CTNND2: variants seen among roughly 807,000 people sequenced by gnomAD.
The protein encoded by CTNND2 is catenin delta 2.
A neutral mutation model predicts 144.4 loss-of-function variants in CTNND2; 22 were observed. The ratio of observed to expected loss-of-function variants is 0.15; its 90% CI spans 0.11 to 0.22. The LOEUF is 0.22. CTNND2 is among the 10% of genes least tolerant of loss of function. The pLI is 1.00. For synonymous variants in CTNND2, 751 were observed against 695.6 expected (o/e 1.08, Z -1.25); for missense variants, 1,353 against 1,618.8 (o/e 0.84, Z 2.82).
chr5:11,143,829 G>T (rs1756976973), intron 12 of CTNND2, among the ~76,000 whole-genome samples: 1 of 152,248 alleles, frequency 6.6e-6, no homozygotes, highest in East Asian at 1.9e-4. Context: ...CAGGACCAGG[G>T]ACTGTGGGAG....
At chr5:11,340,862 T>TA (rs1193715747) in intron 9 of CTNND2, among the ~76,000 whole-genome samples, 2 of 152,348 alleles carry the variant, frequency 1.3e-5, no homozygotes, top group African/African-American at 4.8e-5. Context: ...AGTCATGTGA[T>TA]AGAGATTTTG....
chr5:11,588,037 G>C (rs1305199379), intron 2 of CTNND2, among the ~76,000 whole-genome samples: 1 of 151,932 alleles, frequency 6.6e-6, no homozygotes, highest in Non-Finnish European at 1.5e-5. Flanking sequence ...ACTTGGTAAA[G>C]GTTTTCTATA....
chr5:11,659,217 G>T (rs1365220812), intron 2 of CTNND2, among the ~76,000 whole-genome samples: 1 of 152,026 alleles, frequency 6.6e-6, no homozygotes, highest in African/African-American at 2.4e-5. Context: ...CATTGTATTA[G>T]GTATTATAAG....
intron 9 of CTNND2, among the ~76,000 whole-genome samples, chr5:11,289,551 CAG>C (rs78567818): frequency 0.01 from 1,558 of 152,342 alleles, 90 homozygotes; most frequent in Admixed American, 0.081. Context: ...CACTCTCCTG[CAG>C]AGCCAACTGC....
At position 11,096,684 on chromosome 5, in the gene CTNND2, A is replaced by C. The variant is rs546714650; in HGVS notation, c.2637+1891T>G. On this transcript the variant is annotated intron_variant, in intron 15 of 21. Coordinates refer to ENST00000304623, the MANE Select transcript of CTNND2 (RefSeq NM_001332.4). Reference sequence around the variant, plus strand: ...AGGCCAAAGATATTTCTCCACTTTTAAGTTGTTATTATTACATGATAATGA... The same window carrying C: ...AGGCCAAAGATATTTCTCCACTTTTCAGTTGTTATTATTACATGATAATGA... 8.5e-5 allele frequency among the ~76,000 whole-genome samples: 13 copies of C among 152,302 alleles called. No individual in the cohort carries two copies. The South Asian group carries it at 2.7e-3, about 32-fold the overall frequency.
At chr5:11,792,276 A>G (rs2126870494) in intron 1 of CTNND2, among the ~76,000 whole-genome samples, 1 of 136,004 alleles carries the variant, frequency 7.4e-6, no homozygotes, top group East Asian at 2.2e-4. Flanking sequence ...TTAGATACCG[A>G]GACACAATTT....
intron 1 of CTNND2, among the ~76,000 whole-genome samples, chr5:11,887,077 G>A (rs545691469): frequency 7.2e-5 from 10 of 139,474 alleles, no homozygotes; most frequent in South Asian, 2.4e-4. Context: ...TCTGCCTCCC[G>A]GGTTCACTCC....
At chr5:11,858,596 A>C (rs1795354364) in intron 1 of CTNND2, among the ~76,000 whole-genome samples, 1 of 152,218 alleles carries the variant, frequency 6.6e-6, no homozygotes. Flanking sequence ...TTTTTCTGTT[A>C]CTATCCACGT....
At chr5:11,198,261 T>G (rs1737073713) in intron 11 of CTNND2, among the ~76,000 whole-genome samples, 1 of 152,220 alleles carries the variant, frequency 6.6e-6, no homozygotes, top group Admixed American at 6.5e-5. Flanking sequence ...ATTGCTTTAG[T>G]AGCACGGCAA....
chr5:11,587,674 T>C (rs907899273), intron 2 of CTNND2, among the ~76,000 whole-genome samples: 7 of 152,144 alleles, frequency 4.6e-5, no homozygotes, highest in Non-Finnish European at 7.4e-5. Flanking sequence ...TCATTTTGTA[T>C]CACTATTATT....
At chr5:11,076,554 A>T (rs924638278) in intron 16 of CTNND2, among the ~76,000 whole-genome samples, 1 of 152,196 alleles carries the variant, frequency 6.6e-6, no homozygotes, top group Admixed American at 6.5e-5. Flanking sequence ...AAATGTATGG[A>T]TGTGCATTAA....
At chr5:11,297,509 A>G (rs1230936928) in intron 9 of CTNND2, among the ~76,000 whole-genome samples, 1 of 152,218 alleles carries the variant, frequency 6.6e-6, no homozygotes, top group Non-Finnish European at 1.5e-5. Context: ...TGGAAAACAT[A>G]GTCATTTTAA....
At chr5:11,760,097 G>A (rs568222225) in intron 1 of CTNND2, among the ~76,000 whole-genome samples, 1 of 150,834 alleles carries the variant, frequency 6.6e-6, no homozygotes, top group East Asian at 1.9e-4. Context: ...TTCCTACTTT[G>A]GAGAAGCCAT....
chr5:11,033,485 G>A (rs796680035), intron 16 of CTNND2, among the ~76,000 whole-genome samples: 5 of 152,210 alleles, frequency 3.3e-5, no homozygotes, highest in African/African-American at 1.2e-4. Context: ...CTAAAAAATT[G>A]CCAATGAAAA....
intron 3 of CTNND2, among the ~76,000 whole-genome samples, chr5:11,524,120 A>G (rs1773002448): frequency 6.6e-6 from 1 of 152,114 alleles, no homozygotes; most frequent in African/African-American, 2.4e-5. Flanking sequence ...GTGGGCTGTG[A>G]AGCCCTAAAG....
chr5:11,724,504 G>T (rs879366916), intron 2 of CTNND2, among the ~76,000 whole-genome samples: 2 of 152,102 alleles, frequency 1.3e-5, no homozygotes, highest in Non-Finnish European at 2.9e-5. Context: ...TGGCTGTTTT[G>T]TTAATAGGTG....
At position 11,384,961 on chromosome 5, in the gene CTNND2, G is replaced by A. The variant is rs1223300190; in HGVS notation, c.881C>T (p.Ala294Val). The change falls in exon 7 of 22, where the codon GCG (alanine) becomes GTG (valine). Residue 294 changes from alanine to valine, a missense_variant. Physicochemically the swap from Ala to Val is moderately conservative, Grantham distance 64. Around this residue, in one of 4 missense-constraint regions of CTNND2, gnomAD observed 708 missense variants for 706.4 expected, o/e 1.00. Transcript: ENST00000304623. This position sits in a 1 kb window ranked among gnomAD's most constrained non-coding sequence, Gnocchi z 5.2. ...CTGCTTGGGCGAGGAGCCGCGCGGC[G>A]CGGCGTAGGTGGCGCCCTCGGGGGC... is the stretch of plus-strand genomic sequence containing the variant. ...GSAPEGATYA[A>V]PRGSSPKQSP... The A allele has an allele frequency of 1.3e-6, 2 of 1,563,094 alleles. No individual in the cohort carries two copies. Among genetic ancestry groups the A allele is most frequent in the East Asian group, 4.7e-5 (2 of 42,390 alleles).
chr5:11,318,340 C>T (rs1354458655), intron 9 of CTNND2, among the ~76,000 whole-genome samples: 1 of 152,142 alleles, frequency 6.6e-6, no homozygotes, highest in Non-Finnish European at 1.5e-5. Context: ...AGGTCCTGAA[C>T]GTGACCAAAG....
chr5:11,875,775 G>A (rs1296782614), intron 1 of CTNND2, among the ~76,000 whole-genome samples: 2 of 152,158 alleles, frequency 1.3e-5, no homozygotes, highest in African/African-American at 4.8e-5. Context: ...ACGGTATTTT[G>A]TTATAGCAGC....
Sources: gnomAD v4.1 joint callset for allele counts (sites outside exome capture counted in the v4.1 genomes callset) on GRCh38, gnomAD v4.1.1 for gene constraint, gnomAD v4.1.1 regional missense constraint, Gnocchi (gnomAD v3.1) non-coding constraint, MANE v1.5 for transcripts, NCBI Gene and HGNC (gene_info 2026-07-23, HGNC 2026-07-21) for gene names.